SLC41A3: variants seen among roughly 807,000 people sequenced by gnomAD.
SLC41A3 encodes SLC41A1-like 2.
SLC41A3 carries 44 observed loss-of-function variants against 45.4 expected under a neutral mutation model. The ratio of observed to expected loss-of-function variants is 0.97; its 90% CI spans 0.76 to 1.25. The LOEUF is 1.25. Ranked by LOEUF, SLC41A3 falls within the 50% of genes most tolerant of loss-of-function variation. The pLI is 0.00. For synonymous variants in SLC41A3, 256 were observed against 252.4 expected, an observed-to-expected ratio of 1.01 and a Z score of -0.13; for missense variants, 550 against 600.6, an observed-to-expected ratio of 0.92 and a Z score of 0.88.
chr3:126,066,552 C>T (rs1054956960), intron 2 of SLC41A3, among the ~76,000 whole-genome samples: 4 of 152,246 alleles, frequency 2.6e-5, no homozygotes, highest in African/African-American at 7.2e-5. Context: ...GTTGAAAAAA[C>T]CTGTGTTGAT....
intron 3 of SLC41A3, among the ~76,000 whole-genome samples, chr3:126,034,014 T>C (rs537903920): frequency 3.9e-5 from 6 of 152,248 alleles, no homozygotes; most frequent in African/African-American, 9.6e-5. Context: ...CACACATGCA[T>C]GCACACACAC....
intron 4 of SLC41A3, among the ~76,000 whole-genome samples, chr3:126,032,347 G>C (rs546522107): frequency 6.6e-6 from 1 of 152,202 alleles, no homozygotes; most frequent in East Asian, 1.9e-4. Flanking sequence ...GAGGAGAAGC[G>C]GAATTCATGC....
intron 2 of SLC41A3, among the ~76,000 whole-genome samples, chr3:126,060,783 C>T (rs924913663): frequency 1.3e-5 from 2 of 152,186 alleles, no homozygotes; most frequent in East Asian, 1.9e-4. Flanking sequence ...TCCAGCTGCA[C>T]GGAGCAGCAG....
chr3:126,055,376 C>T (rs1241960754), intron 2 of SLC41A3, among the ~76,000 whole-genome samples: 1 of 151,846 alleles, frequency 6.6e-6, no homozygotes, highest in Admixed American at 6.6e-5. Flanking sequence ...TTAGCTGGGC[C>T]TGGTGGCGGG....
chr3:126,049,476 A>T (rs1014190080), intron 3 of SLC41A3, among the ~76,000 whole-genome samples: 20 of 152,180 alleles, frequency 1.3e-4, no homozygotes, highest in African/African-American at 4.8e-4. Flanking sequence ...GACACAGCAA[A>T]ACTGTCTCAA....
chr3:126,075,641 T>G (rs1340964332), intron 1 of SLC41A3, among the ~76,000 whole-genome samples: 3 of 152,190 alleles, frequency 2.0e-5, no homozygotes, highest in Non-Finnish European at 4.4e-5. Flanking sequence ...AAATATAGAT[T>G]AACAGAACAG....
chr3:126,056,840 G>C, intron 2 of SLC41A3: 2 of 1,239,162 alleles, frequency 1.6e-6, no homozygotes, highest in East Asian at 3.6e-5. Context: ...TCAGACAGTG[G>C]CTGTGTGTCC....
At chr3:126,049,318 C>G (rs1385480694) in intron 3 of SLC41A3, among the ~76,000 whole-genome samples, 1 of 152,072 alleles carries the variant, frequency 6.6e-6, no homozygotes, top group Non-Finnish European at 1.5e-5. Context: ...ATAACCCTGC[C>G]TCTGCTAAAA....
intron 3 of SLC41A3, among the ~76,000 whole-genome samples, chr3:126,040,555 G>C (rs753300087): frequency 8.3e-4 from 126 of 152,138 alleles, no homozygotes; most frequent in Non-Finnish European, 1.4e-3. Flanking sequence ...GAGCTTCAAG[G>C]AGGGTTGACC....
chr3:126,027,764 A>C (rs1941481104), intron 4 of SLC41A3, among the ~76,000 whole-genome samples: 2 of 152,352 alleles, frequency 1.3e-5, no homozygotes, highest in Middle Eastern at 3.4e-3. Context: ...TGGACAGTGA[A>C]GGCCAGGCTG....
chr3:126,064,134 A>G (rs151058849), intron 2 of SLC41A3, among the ~76,000 whole-genome samples: 1 of 152,116 alleles, frequency 6.6e-6, no homozygotes, highest in East Asian at 1.9e-4. Context: ...TCGAGGCATC[A>G]AGGGGTCAAT....
At chr3:126,013,751 C>T (rs1014924287) in intron 8 of SLC41A3, among the ~76,000 whole-genome samples, 25 of 152,116 alleles carry the variant, frequency 1.6e-4, no homozygotes, top group Admixed American at 6.6e-5. Context: ...GCCCCTCTCT[C>T]GGAGCTCAGT....
intron 2 of SLC41A3, among the ~76,000 whole-genome samples, chr3:126,051,323 T>C (rs1483771066): frequency 6.6e-6 from 1 of 152,238 alleles, no homozygotes; most frequent in Admixed American, 6.5e-5. Flanking sequence ...CTGCATGTGC[T>C]CTGCACCATG....
At chr3:126,014,685 C>T (rs1486561715) in intron 8 of SLC41A3, among the ~76,000 whole-genome samples, 1 of 152,260 alleles carries the variant, frequency 6.6e-6, no homozygotes, top group Admixed American at 6.5e-5. Flanking sequence ...GGAGGAGGGA[C>T]ACTGTGGACA....
Position 126,026,195 on chromosome 3 carries a change from C to T in SLC41A3, c.598+140G>A. ...ACCCAGCTGGCTCGTCCCACCCTGC[C>T]AGTGAGAACCCTGAGCCCACCATCA... On this transcript the variant is annotated intron_variant, in intron 5 of 10. Coordinates refer to ENST00000360370, the MANE Select transcript of SLC41A3 (RefSeq NM_017836.4). This position sits in a 1 kb window ranked among gnomAD's most constrained non-coding sequence, Gnocchi z 4.2. 1.5e-6 allele frequency: 2 copies of T among 1,335,116 alleles called. No individual in the cohort carries two copies. The highest frequency in any genetic ancestry group is 2.5e-5 in the East Asian group (1 of 39,474). 82.7% of individuals were successfully genotyped at this position (1,335,116 alleles called of 1,614,324 possible). A position where few individuals can be genotyped will look rare whatever the true frequency, so the allele number is the denominator to read the frequency against.
intron 1 of SLC41A3, among the ~76,000 whole-genome samples, chr3:126,079,234 A>ACACACACC (rs1945029522): frequency 7.1e-6 from 1 of 141,142 alleles, no homozygotes; most frequent in African/African-American, 2.6e-5. Flanking sequence ...ACACACACAC[A>ACACACACC]CACACCCACA....
At chr3:126,084,432 TG>T (rs1945330241), upstream of SLC41A3, 2 of 152,176 alleles carry the variant, frequency 1.3e-5, no homozygotes, top group African/African-American at 4.8e-5. Flanking sequence ...GGTTTTATTA[TG>T]GAGCTGTCAA....
intron 3 of SLC41A3, among the ~76,000 whole-genome samples, chr3:126,033,998 T>C (rs569479842): frequency 6.6e-6 from 1 of 152,116 alleles, no homozygotes; most frequent in South Asian, 2.1e-4. Flanking sequence ...ACACAATGCA[T>C]AGAGGCACAC....
In SLC41A3 at chr3:126,015,642, A is replaced by G. The variant is rs970939443; in HGVS notation, c.891-69T>C. The G allele has an allele frequency of 9.6e-6, 14 of 1,461,880 alleles. No homozygotes were observed. The African/African-American group carries it at 1.8e-4, about 19-fold the overall frequency. The allele number at this position is 1,461,880 out of a possible 1,614,324, so 90.6% of individuals were successfully genotyped here. Reference sequence around the variant, plus strand: ...TTACAGTGGCCCTGCAACTCTCCACACAAATCACCCTTTCAGCCCAGCTTC... The same window carrying G: ...TTACAGTGGCCCTGCAACTCTCCACGCAAATCACCCTTTCAGCCCAGCTTC... On this transcript the variant is annotated intron_variant, in intron 7 of 10. Coordinates refer to ENST00000360370, the MANE Select transcript of SLC41A3 (RefSeq NM_017836.4).
Sources: gnomAD v4.1 joint callset for allele counts (sites outside exome capture counted in the v4.1 genomes callset) on GRCh38, gnomAD v4.1.1 for gene constraint, Gnocchi (gnomAD v3.1) non-coding constraint, MANE v1.5 for transcripts, NCBI Gene and HGNC (gene_info 2026-07-23, HGNC 2026-07-21) for gene names.